PHACTR1: variants seen among roughly 807,000 people sequenced by gnomAD.
The protein encoded by PHACTR1 is RPEL repeat containing 1.
A neutral mutation model predicts 69.2 loss-of-function variants in PHACTR1; 16 were observed. That is an observed-to-expected ratio of 0.23 (90% CI 0.16 to 0.35). The LOEUF (loss-of-function observed/expected upper bound fraction) is 0.35, where lower values mean the gene tolerates loss of function less well. PHACTR1 is among the 10% of genes least tolerant of loss of function. The pLI is 1.00. For missense variants in PHACTR1, 510 were observed against 734.7 expected (o/e 0.69, Z 3.54); for synonymous variants, 312 against 284.5 (o/e 1.10, Z -0.97).
intron 4 of PHACTR1, among the ~76,000 whole-genome samples, chr6:12,771,587 A>G (rs992927266): frequency 6.6e-6 from 1 of 152,172 alleles, no homozygotes; most frequent in Admixed American, 6.5e-5. Context: ...CAAAGTCTGG[A>G]TCCGGGATGC....
chr6:13,265,463 A>G (rs1776544401), intron 10 of PHACTR1, among the ~76,000 whole-genome samples: 1 of 152,206 alleles, frequency 6.6e-6, no homozygotes. Context: ...GAGAATTTTT[A>G]AAATAGAGGA....
At chr6:13,103,099 A>C (rs1374677668) in intron 5 of PHACTR1, among the ~76,000 whole-genome samples, 1 of 152,204 alleles carries the variant, frequency 6.6e-6, no homozygotes, top group Non-Finnish European at 1.5e-5. Flanking sequence ...AAATTTTTCT[A>C]CTTATTTCCA....
intron 4 of PHACTR1, among the ~76,000 whole-genome samples, chr6:12,848,101 T>TGA (rs1779465226): frequency 1.3e-5 from 2 of 152,168 alleles, no homozygotes; most frequent in Non-Finnish European, 2.9e-5. Context: ...TAACCAAATA[T>TGA]TATCCTTGAT....
intron 4 of PHACTR1, among the ~76,000 whole-genome samples, chr6:12,916,248 C>T (rs1396641276): frequency 6.6e-6 from 1 of 152,204 alleles, no homozygotes; most frequent in Admixed American, 6.5e-5. Flanking sequence ...GCAGCCTCAT[C>T]TTTCAGTTCC....
At chr6:13,063,565 G>A (rs1808024216) in intron 5 of PHACTR1, among the ~76,000 whole-genome samples, 1 of 152,008 alleles carries the variant, frequency 6.6e-6, no homozygotes. Context: ...CTTGAGCCCA[G>A]GAGTTTGAGA....
intron 4 of PHACTR1, among the ~76,000 whole-genome samples, chr6:12,881,287 C>G (rs1783071147): frequency 1.3e-5 from 2 of 152,126 alleles, no homozygotes; most frequent in African/African-American, 4.8e-5. Flanking sequence ...AGTTTCCAGC[C>G]TAACTGGCAC....
At chr6:13,194,554 G>A (rs1764103994) in intron 7 of PHACTR1, among the ~76,000 whole-genome samples, 2 of 151,322 alleles carry the variant, frequency 1.3e-5, no homozygotes, top group Non-Finnish European at 2.9e-5. Context: ...TAGCTGGAGA[G>A]TGACTCTCCT....
intron 5 of PHACTR1, among the ~76,000 whole-genome samples, chr6:13,091,083 T>G (rs1249898812): frequency 1.3e-5 from 2 of 152,124 alleles, no homozygotes; most frequent in Non-Finnish European, 2.9e-5. Flanking sequence ...GCATCTCGGC[T>G]CACTGCAACC....
At chr6:13,198,673 T>C (rs13206277) in intron 7 of PHACTR1, among the ~76,000 whole-genome samples, 32,360 of 151,418 alleles carry the variant, frequency 0.21, 4,202 homozygotes, top group Non-Finnish European at 0.29. Flanking sequence ...AATCCCGTCA[T>C]GTTTTAAGAA....
intron 3 of PHACTR1, among the ~76,000 whole-genome samples, chr6:12,738,732 G>A (rs1312272000): frequency 6.6e-6 from 1 of 152,102 alleles, no homozygotes; most frequent in East Asian, 1.9e-4. Flanking sequence ...ACGTCATGGT[G>A]TGCGCTTGTA....
chr6:12,741,970 C>T (rs565227209), intron 3 of PHACTR1, among the ~76,000 whole-genome samples: 16 of 152,106 alleles, frequency 1.1e-4, no homozygotes, highest in African/African-American at 3.6e-4. Context: ...AGAGGACTTG[C>T]TTATCTTTTT....
intron 4 of PHACTR1, among the ~76,000 whole-genome samples, chr6:12,929,818 G>A (rs1422192407): frequency 3.9e-5 from 6 of 152,272 alleles, no homozygotes; most frequent in South Asian, 2.1e-4. Context: ...TCATTCAAGC[G>A]TGTCAGAAAT....
chr6:12,889,734 C>T (rs1431420047), intron 4 of PHACTR1, among the ~76,000 whole-genome samples: 1 of 133,592 alleles, frequency 7.5e-6, no homozygotes, highest in Non-Finnish European at 1.7e-5. Context: ...TTTTCTTCTT[C>T]TTTCTTCTTT....
chr6:12,891,766 C>T (rs138854931), intron 4 of PHACTR1, among the ~76,000 whole-genome samples: 1 of 128,904 alleles, frequency 7.8e-6, no homozygotes, highest in African/African-American at 2.8e-5. Context: ...CTTTTACTAA[C>T]AGCCTTACAA....
rs1408303197 is a variant in PHACTR1 at position 13,206,065 on chromosome 6, G to A, written c.915G>A (p.Met305Ile). The A allele has an allele frequency of 3.1e-6, 5 of 1,613,604 alleles. No homozygotes were observed. The highest frequency in any genetic ancestry group is 2.2e-5 in the South Asian group (2 of 91,030). The change falls in exon 8 of 15, where the codon ATG becomes ATA. Residue 305 changes from methionine to isoleucine, a missense_variant. Around this residue, in one of 2 missense-constraint regions of PHACTR1, gnomAD observed 419 missense variants for 530.9 expected, o/e 0.79. Transcript: ENST00000332995. Reference protein sequence around the residue: ...HLPSTTGSLPMHPSGCRMIDE... With the variant: ...HLPSTTGSLPIHPSGCRMIDE... ...CCTCCACCACCGGCTCCCTCCCCAT[G>A]CACCCCTCGGGCTGCAGAATGATAG...
chr6:12,864,098 T>G (rs986801732), intron 4 of PHACTR1, among the ~76,000 whole-genome samples: 1 of 152,190 alleles, frequency 6.6e-6, no homozygotes, highest in Non-Finnish European at 1.5e-5. Context: ...ATAGAAAAGC[T>G]AGACTCAACA....
intron 6 of PHACTR1, among the ~76,000 whole-genome samples, chr6:13,164,891 G>A (rs1444114693): frequency 5.3e-5 from 8 of 151,940 alleles, no homozygotes; most frequent in East Asian, 1.9e-4. Flanking sequence ...CGACTGAACC[G>A]GCACAGAGAT....
chr6:12,987,517 A>T (rs183890075), intron 4 of PHACTR1, among the ~76,000 whole-genome samples: 93 of 152,270 alleles, frequency 6.1e-4, no homozygotes, highest in African/African-American at 2.2e-3. Flanking sequence ...AGAGCTGGGG[A>T]TGCACAGGTG....
chr6:13,149,713 A>G (rs1293477719), intron 5 of PHACTR1, among the ~76,000 whole-genome samples: 1 of 152,192 alleles, frequency 6.6e-6, no homozygotes. Context: ...GTGAGCCCTC[A>G]GATTTCAAGC....
Sources: gnomAD v4.1 joint callset for allele counts (sites outside exome capture counted in the v4.1 genomes callset) on GRCh38, gnomAD v4.1.1 for gene constraint, gnomAD v4.1.1 regional missense constraint, MANE v1.5 for transcripts, NCBI Gene and HGNC (gene_info 2026-07-23, HGNC 2026-07-21) for gene names.